TNRC18: variants seen among roughly 807,000 people sequenced by gnomAD.
TNRC18 encodes trinucleotide repeat-containing gene 18 protein.
In TNRC18, 69 loss-of-function variants were observed where a neutral mutation model predicts 226.7. That is an observed-to-expected ratio of 0.30 (90% CI 0.25 to 0.37). The LOEUF is 0.37. Among genes scored for constraint, TNRC18 ranks in the 10% least tolerant of loss-of-function variants. The pLI is 1.00. For synonymous variants in TNRC18, 2,449 were observed against 1,927.6 expected, an observed-to-expected ratio of 1.27 and a Z score of -7.09; for missense variants, 4,754 against 4,256.6, an observed-to-expected ratio of 1.12 and a Z score of -3.25.
Position 5,377,259 on chromosome 7 carries a change from C to A in TNRC18, c.2461+112G>T. ...CTTCCGACGAATGCGGGAGGCAGGC[C>A]CAGGCCCCCCAGGAAACGGCAGGCA... On this transcript the variant is annotated intron_variant, in intron 7 of 29. Transcript: ENST00000430969. This position sits in a 1 kb window ranked among gnomAD's most constrained non-coding sequence, Gnocchi z 5.8. 8.1e-7 allele frequency: 1 copy of A among 1,234,000 alleles called. No homozygotes were observed. Among genetic ancestry groups the A allele is most frequent in the Non-Finnish European group, 1.1e-6 (1 of 904,348 alleles). The allele number at this position is 1,234,000 out of a possible 1,614,324, so 76.4% of individuals were successfully genotyped here.
In TNRC18 at chr7:5,377,950, G is replaced by A. The variant is rs373138999; in HGVS notation, c.2227C>T (p.Leu743=). 3.1e-6 allele frequency: 5 copies of A among 1,613,366 alleles called. No homozygotes were observed. Among genetic ancestry groups the A allele is most frequent in the Non-Finnish European group, 4.2e-6 (5 of 1,179,794 alleles). The change falls in exon 6 of 30, where the codon CTG becomes TTG. Residue 743 remains leucine (L), a synonymous_variant. Transcript: ENST00000430969. This position sits in a 1 kb window ranked among gnomAD's most constrained non-coding sequence, Gnocchi z 5.8. ...AGCAGCTTCTCCTGATCCCGGTCCA[G>A]CCGTGCCCCGAGCAGCCGTTCCTCC... ...HREERLLGAR[L]DRDQEKLLRE...
At chr7:5,352,995 A>G (rs988642697) in intron 16 of TNRC18, among the ~76,000 whole-genome samples, 2 of 152,190 alleles carry the variant, frequency 1.3e-5, no homozygotes, top group Admixed American at 6.5e-5. Flanking sequence ...ACATGCACGC[A>G]TCCGTGGCGG....
chr7:5,394,385 G>C lies in TNRC18; in HGVS notation c.343+55C>G. Reference sequence around the variant, plus strand: ...CAGAGGGGCACATGAAGTGGCCAGAGTGGCTGGGACGTCAGCCCAGCAGCC... The same window carrying C: ...CAGAGGGGCACATGAAGTGGCCAGACTGGCTGGGACGTCAGCCCAGCAGCC... On this transcript the variant is annotated intron_variant, in intron 3 of 29. Coordinates refer to ENST00000430969, the MANE Select transcript of TNRC18 (RefSeq NM_001080495.3). This position sits in a 1 kb window ranked among gnomAD's most constrained non-coding sequence, Gnocchi z 4.5. The C allele has an allele frequency of 6.9e-7, 1 of 1,454,458 alleles. No individual in the cohort carries two copies. Among genetic ancestry groups the C allele is most frequent in the Non-Finnish European group, 9.1e-7 (1 of 1,100,012 alleles). The allele number at this position is 1,454,458 out of a possible 1,614,324, so 90.1% of individuals were successfully genotyped here.
At chr7:5,391,863 T>C (rs1326224620) in intron 3 of TNRC18, among the ~76,000 whole-genome samples, 1 of 54,560 alleles carries the variant, frequency 1.8e-5, no homozygotes. Flanking sequence ...ATTTAAATAG[T>C]TTTTTTTTTT....
At position 5,388,364 on chromosome 7, in the gene TNRC18, G is replaced by A. The variant is rs1475401725; in HGVS notation, c.1460C>T (p.Ala487Val). ...RAPRGPAGPA[A>V]QQAAKLFGLE... is the part of the protein sequence containing the mutation. ...GCCGAAGAGCTTGGCGGCCTGTTGG[G>A]CTGCAGGACCGGCTGGGCCGCGGGG... Residue 487 changes from alanine (A) to valine (V), a missense_variant, in exon 5 of 30, where the codon GCC becomes GTC. By Grantham distance (64) the Ala-to-Val change is moderately conservative. Transcript: ENST00000430969. The A allele has an allele frequency of 3.2e-6, 5 of 1,565,422 alleles. No individual in the cohort carries two copies. In the East Asian group the frequency reaches 7.1e-5, roughly 22 times the overall value.
rs1462553110 is a variant in TNRC18 at position 5,361,691 on chromosome 7, C to T, written c.4564G>A (p.Ala1522Thr). ...CGCGGCCTGCCAGGGCCTCTGCGTG[C>T]CAAGCTTCTATGGGGTTCCTCGCGC... ...DRREEPHRSL[A>T]RRGPGRPRKR... Residue 1522 changes from alanine (A) to threonine (T), a missense_variant, in exon 14 of 30, where the codon GCA (alanine) becomes ACA (threonine). By Grantham distance (58) the Ala-to-Thr change is moderately conservative. Transcript: ENST00000430969. The T allele has an allele frequency of 6.4e-7, 1 of 1,566,868 alleles. No individual in the cohort carries two copies. Among genetic ancestry groups the T allele is most frequent in the Non-Finnish European group, 8.6e-7 (1 of 1,156,598 alleles).
chr7:5,408,213 C>T (rs1028501505), intron 2 of TNRC18, among the ~76,000 whole-genome samples: 4 of 151,162 alleles, frequency 2.6e-5, no homozygotes, highest in Non-Finnish European at 4.4e-5. Context: ...GCAGGGGAAT[C>T]TCTTGAACCC....
At position 5,390,523 on chromosome 7, in the gene TNRC18, C is replaced by T; in HGVS notation, c.449G>A (p.Ser150Asn). 6.2e-7 allele frequency: 1 copy of T among 1,613,706 alleles called. No individual in the cohort carries two copies. The highest frequency in any genetic ancestry group is 8.5e-7 in the Non-Finnish European group (1 of 1,179,814). The change falls in exon 4 of 30, where the codon AGC becomes AAC. Residue 150 changes from serine (S) to asparagine (N), a missense_variant. Physicochemically the swap from Ser to Asn is conservative, Grantham distance 46. Coordinates refer to ENST00000430969, the MANE Select transcript of TNRC18 (RefSeq NM_001080495.3). ...CTGACCTTTCTGGGTATCGAAAATG[C>T]TGGGCTGACCCAGCTGGCTGAGGAG... ...SPLLSQLGQP[S>N]IFDTQKGQGP...
Position 5,402,476 on chromosome 7 carries a change from A to C in TNRC18, c.188-7881T>G, listed in dbSNP as rs531884696. Among the ~76,000 whole-genome samples the C allele has an allele frequency of 3.9e-5, 6 of 152,166 alleles. No individual in the cohort carries two copies. The East Asian group carries it at 1.2e-3, about 29-fold the overall frequency. ...CTTGAGCCCAGGAGGCGGAGGTCGC[A>C]GTGAGCCGAGATCGCGCCACCACAC... On this transcript the variant is annotated intron_variant, in intron 2 of 29. Coordinates refer to ENST00000430969, the MANE Select transcript of TNRC18 (RefSeq NM_001080495.3).
intron 2 of TNRC18, chr7:5,420,365 G>A: frequency 2.2e-6 from 1 of 456,160 alleles, no homozygotes. Context: ...CGGTTTCGGT[G>A]TCCCTGCCGC....
chr7:5,308,085 G>A lies in TNRC18; in HGVS notation c.*21C>T, dbSNP rs565667466. 1 of 1,540,952 alleles carries A rather than the reference G, an allele frequency of 6.5e-7. No homozygotes were observed. Among genetic ancestry groups the A allele is most frequent in the South Asian group, 1.2e-5 (1 of 83,720 alleles). On this transcript the variant is annotated 3_prime_UTR_variant, in exon 30 of 30. Coordinates refer to ENST00000430969, the MANE Select transcript of TNRC18 (RefSeq NM_001080495.3). Reference sequence around the variant, plus strand: ...CCCTGGCCGCCCTCGGGGCACAGGTGGCCCGCAGGGCCCGGCGGGCTCAGC... The same window carrying A: ...CCCTGGCCGCCCTCGGGGCACAGGTAGCCCGCAGGGCCCGGCGGGCTCAGC...
In TNRC18 at chr7:5,371,130, T is replaced by G; in HGVS notation, c.3464A>C (p.Glu1155Ala). 1 of 1,611,908 alleles carries G rather than the reference T, an allele frequency of 6.2e-7. No homozygotes were observed. The highest frequency in any genetic ancestry group is 8.5e-7 in the Non-Finnish European group (1 of 1,178,836). Residue 1155 changes from glutamate to alanine, a missense_variant, in exon 11 of 30, where the codon GAG (glutamate) becomes GCG (alanine). Coordinates refer to ENST00000430969, the MANE Select transcript of TNRC18 (RefSeq NM_001080495.3). ...REGPEEEPLA[E>A]REVKAEVEDM... ...CTCCACCTCTGCCTTCACCTCCCGC[T>G]CAGCCAGCGGTTCTTCCTCCGGGCC...
In TNRC18 at chr7:5,377,313, C is replaced by T; in HGVS notation, c.2461+58G>A. 2 of 1,223,730 alleles carry T rather than the reference C, an allele frequency of 1.6e-6. No individual in the cohort carries two copies. The highest frequency in any genetic ancestry group is 2.6e-5 in the Admixed American group (1 of 38,558). 75.8% of individuals were successfully genotyped at this position (1,223,730 alleles called of 1,614,324 possible). A position where few individuals can be genotyped will look rare whatever the true frequency, so the allele number is the denominator to read the frequency against. On this transcript the variant is annotated intron_variant, in intron 7 of 29. Transcript: ENST00000430969. The surrounding 1 kb of genome is among the most constrained non-coding windows in gnomAD (Gnocchi z 5.8). ...GCCAGCCCTGAGCTCTTGTCCTGCACCCGCCCCCTCCCACCCCTCCCTCAG... is the reference window on the plus strand; with the variant it reads ...GCCAGCCCTGAGCTCTTGTCCTGCATCCGCCCCCTCCCACCCCTCCCTCAG...
At chr7:5,384,416 A>G (rs1374445435) in intron 5 of TNRC18, among the ~76,000 whole-genome samples, 1 of 152,154 alleles carries the variant, frequency 6.6e-6, no homozygotes, top group Non-Finnish European at 1.5e-5. Flanking sequence ...CCAGTCACCT[A>G]CTTTTCAAAC....
At chr7:5,349,392 A>C (rs1260366052) in intron 17 of TNRC18, among the ~76,000 whole-genome samples, 3 of 152,134 alleles carry the variant, frequency 2.0e-5, no homozygotes, top group African/African-American at 7.2e-5. Flanking sequence ...CATCAAAGTA[A>C]CCCAAGGAAA....
In TNRC18 at chr7:5,388,155, C is replaced by A; in HGVS notation, c.1669G>T (p.Val557Leu). Residue 557 changes from valine (V) to leucine (L), a missense_variant, in exon 5 of 30, where the codon GTG becomes TTG. Physicochemically the swap from Val to Leu is conservative, Grantham distance 32. Transcript: ENST00000430969. The part of the protein sequence containing the change: ...SKKAYLDPGA[V>L]LPRSAATCGR... ...CAGGTGGCCGCCGAGCGGGGCAGCACAGCCCCAGGGTCCAGGTAGGCCTTC... is the reference window on the plus strand; with the variant it reads ...CAGGTGGCCGCCGAGCGGGGCAGCAAAGCCCCAGGGTCCAGGTAGGCCTTC... The A allele has an allele frequency of 6.4e-7, 1 of 1,569,786 alleles. No individual in the cohort carries two copies. The highest frequency in any genetic ancestry group is 1.2e-5 in the South Asian group (1 of 86,060).
chr7:5,401,028 G>A (rs1197401848), intron 2 of TNRC18, among the ~76,000 whole-genome samples: 3 of 152,044 alleles, frequency 2.0e-5, no homozygotes, highest in Admixed American at 2.0e-4. Context: ...GCAAGACCCT[G>A]TCTCAAAAAA....
At chr7:5,328,654 G>A (rs1789194519) in intron 19 of TNRC18, among the ~76,000 whole-genome samples, 1 of 152,002 alleles carries the variant, frequency 6.6e-6, no homozygotes, top group South Asian at 2.1e-4. Context: ...GACTACAGGT[G>A]ACCGCCACCA....
chr7:5,372,619 G>A (rs1013284556), intron 10 of TNRC18, among the ~76,000 whole-genome samples: 13 of 152,194 alleles, frequency 8.5e-5, no homozygotes, highest in African/African-American at 3.1e-4. Context: ...ACAGGCAAAG[G>A]TGGAAAGATC....
Sources: gnomAD v4.1 joint callset for allele counts (sites outside exome capture counted in the v4.1 genomes callset) on GRCh38, gnomAD v4.1.1 for gene constraint, Gnocchi (gnomAD v3.1) non-coding constraint, MANE v1.5 for transcripts, NCBI Gene and HGNC (gene_info 2026-07-23, HGNC 2026-07-21) for gene names.